Variants in AKAP6 observed in about 807,000 individuals in gnomAD.
AKAP6 encodes A-kinase anchoring protein 6.
In AKAP6, 58 loss-of-function variants were observed where a neutral mutation model predicts 188.5. The observed-to-expected ratio is 0.31, with a 90% CI of 0.25 to 0.38. The LOEUF is 0.38. Among genes scored for constraint, AKAP6 ranks in the 10% least tolerant of loss-of-function variants. The pLI is 1.00. For missense variants in AKAP6, 2,710 were observed against 2,740.0 expected, an observed-to-expected ratio of 0.99 and a Z score of 0.24; for synonymous variants, 989 against 998.6, an observed-to-expected ratio of 0.99 and a Z score of 0.18.
At chr14:32,352,105 G>GTGTGTGTGTGTGTGTGTGTGTGTGTGTT in intron 1 of AKAP6, among the ~76,000 whole-genome samples, 1 of 66,504 alleles carries the variant, frequency 1.5e-5, no homozygotes, top group Non-Finnish European at 2.8e-5. Flanking sequence ...GTGTGTGTTT[G>GTGTGTGTGTGTGTGTGTGTGTGTGTGTT]TGTGTGTGTG....
At chr14:32,681,890 G>C (rs1484083386) in intron 8 of AKAP6, among the ~76,000 whole-genome samples, 4 of 152,074 alleles carry the variant, frequency 2.6e-5, no homozygotes, top group African/African-American at 9.7e-5. Flanking sequence ...ATGTTGCCCA[G>C]GCTGAATTTG....
intron 4 of AKAP6, among the ~76,000 whole-genome samples, chr14:32,554,609 C>T (rs569007886): frequency 6.6e-6 from 1 of 152,226 alleles, no homozygotes; most frequent in South Asian, 2.1e-4. Flanking sequence ...CAAATAAAAT[C>T]GATTTATGAA....
intron 3 of AKAP6, among the ~76,000 whole-genome samples, chr14:32,537,384 G>C (rs1455897862): frequency 6.6e-6 from 1 of 152,178 alleles, no homozygotes; most frequent in Non-Finnish European, 1.5e-5. Context: ...TCTCAACTGG[G>C]ACTGTTGTGG....
chr14:32,614,942 G>A (rs1035693742), intron 7 of AKAP6, among the ~76,000 whole-genome samples: 2 of 151,724 alleles, frequency 1.3e-5, no homozygotes, highest in South Asian at 2.1e-4. Flanking sequence ...AGGCCAAGGC[G>A]GGCAGATCAT....
At chr14:32,454,621 T>TTCCC (rs1289601256) in intron 2 of AKAP6, among the ~76,000 whole-genome samples, 1 of 145,076 alleles carries the variant, frequency 6.9e-6, no homozygotes, top group African/African-American at 2.7e-5. Flanking sequence ...AAACTTGACC[T>TTCCC]TCCTTCCTTC....
At chr14:32,662,887 C>T (rs1292255807) in intron 7 of AKAP6, among the ~76,000 whole-genome samples, 1 of 151,976 alleles carries the variant, frequency 6.6e-6, no homozygotes, top group Admixed American at 6.6e-5. Flanking sequence ...CACATTTTTA[C>T]TTGGCATTTT....
intron 1 of AKAP6, among the ~76,000 whole-genome samples, chr14:32,369,768 C>T (rs940427248): frequency 6.6e-6 from 1 of 152,146 alleles, no homozygotes; most frequent in Non-Finnish European, 1.5e-5. Context: ...GTGTAAGTTC[C>T]CTTTAAATCA....
rs1040967579 is a variant in AKAP6 at position 32,831,870 on chromosome 14, T to A, written c.*2065T>A. 6 of 152,212 alleles carry A rather than the reference T, an allele frequency of 3.9e-5. No individual in the cohort carries two copies. Among genetic ancestry groups the A allele is most frequent in the Non-Finnish European group, 8.8e-5 (6 of 68,038 alleles). The allele number at this position is 152,212 out of a possible 1,614,324, so 9.4% of individuals were successfully genotyped here. ...TTTTAAAAAGTTAACTTGGAGCTTC[T>A]GTATGTAAAATGCTAGGTAATAAGG... On this transcript the variant is annotated 3_prime_UTR_variant, in exon 14 of 14. Transcript: ENST00000280979.
At chr14:32,773,396 G>A (rs1392719592) in intron 11 of AKAP6, among the ~76,000 whole-genome samples, 4 of 152,190 alleles carry the variant, frequency 2.6e-5, no homozygotes, top group Non-Finnish European at 5.9e-5. Context: ...TATTTCATTA[G>A]GCTAGAAATT....
In AKAP6 at chr14:32,600,393, A is replaced by G. The variant is rs527540841; in HGVS notation, c.2567-236A>G. On this transcript the variant is annotated intron_variant, in intron 6 of 13. Transcript: ENST00000280979. ...TTTTTTAAGTCAATATACTGAGTCTAAATCAGTTTCCAAGCCAGTCATCTA... is the reference window on the plus strand; with the variant it reads ...TTTTTTAAGTCAATATACTGAGTCTGAATCAGTTTCCAAGCCAGTCATCTA... Among the ~76,000 whole-genome samples the G allele has an allele frequency of 9.8e-5, 15 of 152,306 alleles. No individual in the cohort carries two copies. In the East Asian group the frequency reaches 2.1e-3, roughly 22 times the overall value.
chr14:32,343,030 C>T (rs182711642), intron 1 of AKAP6, among the ~76,000 whole-genome samples: 8 of 152,242 alleles, frequency 5.3e-5, no homozygotes, highest in East Asian at 3.9e-4. Context: ...CCTTTTTTCC[C>T]GTTGAGAATT....
chr14:32,383,298 A>G (rs1337046736), intron 1 of AKAP6, among the ~76,000 whole-genome samples: 1 of 152,188 alleles, frequency 6.6e-6, no homozygotes, highest in Non-Finnish European at 1.5e-5. Flanking sequence ...TTGCCACAGT[A>G]ATAGATCAAG....
intron 11 of AKAP6, among the ~76,000 whole-genome samples, chr14:32,759,789 C>T (rs1381401794): frequency 6.6e-6 from 1 of 152,080 alleles, no homozygotes; most frequent in Non-Finnish European, 1.5e-5. Context: ...TGCAATAATT[C>T]ACTGTCATGA....
chr14:32,403,079 A>G (rs1382251872), intron 1 of AKAP6: 1 of 152,198 alleles, frequency 6.6e-6, no homozygotes, highest in Non-Finnish European at 1.5e-5. Context: ...CTGTAGACTT[A>G]GAAATCATCC....
At chr14:32,786,298 C>CTTTTTTTTTTTTTTTTTTTTTTTTT (rs1162974012) in intron 12 of AKAP6, among the ~76,000 whole-genome samples, 1 of 82,552 alleles carries the variant, frequency 1.2e-5, no homozygotes, top group Non-Finnish European at 2.1e-5. Context: ...AAACCTTTAT[C>CTTTTTTTTTTTTTTTTTTTTTTTTT]TTTTTTTTTT....
chr14:32,785,636 T>TTC (rs2033377375), intron 12 of AKAP6, among the ~76,000 whole-genome samples: 1 of 152,198 alleles, frequency 6.6e-6, no homozygotes, highest in Admixed American at 6.5e-5. Context: ...TTGCAAAGTG[T>TTC]TGTAAATATA....
chr14:32,595,869 C>A (rs983342946), intron 5 of AKAP6, among the ~76,000 whole-genome samples: 1 of 152,124 alleles, frequency 6.6e-6, no homozygotes, highest in Non-Finnish European at 1.5e-5. Flanking sequence ...ATCTCCTTTA[C>A]ACAATAGAAT....
chr14:32,547,374 C>T (rs1159019499), intron 4 of AKAP6, among the ~76,000 whole-genome samples: 1 of 152,182 alleles, frequency 6.6e-6, no homozygotes, highest in African/African-American at 2.4e-5. Context: ...TCCAGTTACC[C>T]CAGAGTGTTT....
At chr14:32,588,375 G>A (rs1013200690) in intron 5 of AKAP6, among the ~76,000 whole-genome samples, 2 of 152,114 alleles carry the variant, frequency 1.3e-5, no homozygotes, top group Non-Finnish European at 2.9e-5. Flanking sequence ...TTATGCTTTT[G>A]CAAATAATAC....
Sources: allele counts gnomAD v4.1 joint callset (sites outside exome capture counted in the v4.1 genomes callset), GRCh38; gene constraint gnomAD v4.1.1; transcripts MANE v1.5; gene names NCBI Gene and HGNC (gene_info 2026-07-23, HGNC 2026-07-21).